The following ENDOV variants were observed in gnomAD, a reference collection of about 807,000 sequenced individuals.
The protein encoded by ENDOV is hEndoV.
A neutral mutation model predicts 39.4 loss-of-function variants in ENDOV; 37 were observed. The observed-to-expected ratio is 0.94, with a 90% confidence interval of 0.72 to 1.23. ENDOV has a LOEUF of 1.23. Among genes scored for constraint, ENDOV ranks in the 50% most tolerant of loss-of-function variants. The pLI, the probability that ENDOV is intolerant of heterozygous loss-of-function variation, is 0.00. For missense variants in ENDOV, 441 were observed against 375.7 expected (o/e 1.17, Z -1.44); for synonymous variants, 186 against 163.4 (o/e 1.14, Z -1.05).
intron 5 of ENDOV, 79 bp from the exon 6 acceptor site, chr17:80,424,953 T>C: frequency 7.9e-7 from 1 of 1,273,036 alleles, no homozygotes; most frequent in Non-Finnish European, 1.1e-6. Flanking sequence ...ACACTCCGTC[T>C]CAAAAAATAG....
At chr17:80,421,243 C>T (rs1376679590) in intron 2 of ENDOV, among the ~76,000 whole-genome samples, 3 of 65,636 alleles carry the variant, frequency 4.6e-5, no homozygotes, top group African/African-American at 1.4e-4. Context: ...GCTTCAGGGG[C>T]TCATCCTATG....
chr17:80,436,427 A>C lies in ENDOV; in HGVS notation c.*284A>C. 7.7e-7 allele frequency: 1 copy of C among 1,305,490 alleles called. No individual in the cohort carries two copies. The highest frequency in any genetic ancestry group is 1.0e-6 in the Non-Finnish European group (1 of 992,938). 80.9% of individuals were successfully genotyped at this position (1,305,490 alleles called of 1,614,324 possible). ...TGTTAGATTTTCAAGGATGCTCTTCATCCAGCTGAAGACGGTCCCTTCTAG... is the reference window on the plus strand; with the variant it reads ...TGTTAGATTTTCAAGGATGCTCTTCCTCCAGCTGAAGACGGTCCCTTCTAG... On this transcript the variant is annotated 3_prime_UTR_variant, in exon 10 of 10. Coordinates refer to ENST00000518137, the MANE Select transcript of ENDOV (RefSeq NM_173627.5).
At chr17:80,419,398 A>T (rs947892325) in intron 2 of ENDOV, 2 of 571,734 alleles carry the variant, frequency 3.5e-6, no homozygotes, top group Non-Finnish European at 6.3e-6. Flanking sequence ...ATGCTGAGCC[A>T]TGGCTGGTGT....
In ENDOV at chr17:80,436,393, G is replaced by A; in HGVS notation, c.*250G>A. 1 of 1,413,776 alleles carries A rather than the reference G, an allele frequency of 7.1e-7. No individual in the cohort carries two copies. Among genetic ancestry groups the A allele is most frequent in the Non-Finnish European group, 9.3e-7 (1 of 1,071,534 alleles). 87.6% of individuals were successfully genotyped at this position (1,413,776 alleles called of 1,614,324 possible). On this transcript the variant is annotated 3_prime_UTR_variant, in exon 10 of 10. Coordinates refer to ENST00000518137, the MANE Select transcript of ENDOV (RefSeq NM_173627.5). ...TTTGCAGTCTTTCACCACTAGATGT[G>A]ATGTGAGCTGTTAGATTTTCAAGGA...
chr17:80,429,664 G>A (rs2083163188), intron 8 of ENDOV, 109 bp from the exon 9 acceptor site: 1 of 1,052,748 alleles, frequency 9.5e-7, no homozygotes, highest in Admixed American at 2.4e-5. Flanking sequence ...GCTGTAGCAG[G>A]TCCTGAGTGT....
At chr17:80,428,523 C>A in intron 7 of ENDOV, 73 bp from the exon 8 acceptor site, 2 of 1,457,754 alleles carry the variant, frequency 1.4e-6, no homozygotes, top group Non-Finnish European at 9.4e-7. Context: ...GGAGGCATTG[C>A]CAGCAGCAGC....
chr17:80,429,988 G>C (rs1003113732), intron 9 of ENDOV, 157 bp downstream of exon 9: 1 of 1,541,268 alleles, frequency 6.5e-7, no homozygotes, highest in African/African-American at 1.4e-5. Context: ...TCAGGACACT[G>C]ACCACCCCTG....
intron 2 of ENDOV, 58 bp from the exon 3 acceptor site, chr17:80,421,770 G>C: frequency 4.5e-6 from 7 of 1,550,686 alleles, no homozygotes; most frequent in Non-Finnish European, 6.1e-6. Flanking sequence ...GGACGGACTG[G>C]GGATGGAGCA....
rs2080905516 is a variant in ENDOV at position 80,415,184 on chromosome 17, G to GGGACGAAGCCATGGCCCT, written c.-7_11dup. 1.9e-6 allele frequency: 3 copies of GGGACGAAGCCATGGCCCT among 1,612,568 alleles called. No individual in the cohort carries two copies. The highest frequency in any genetic ancestry group is 1.7e-5 in the Admixed American group (1 of 59,926). On this transcript the variant is annotated 5_prime_UTR_variant, in exon 1 of 10. The change creates a new upstream start codon in the 5' untranslated region. Transcript: ENST00000518137. ...GAAGTGACGTGCGGAAGGGGTGCCC[G>GGGACGAAGCCATGGCCCT]GGACGAAGCCATGGCCCTGGAGGCG...
At chr17:80,424,043 C>A (rs527810085) in intron 5 of ENDOV, 2 of 372,144 alleles carry the variant, frequency 5.4e-6, no homozygotes, top group African/African-American at 2.1e-5. Context: ...AGGCCCCCCT[C>A]CCGCCAAGAC....
intron 7 of ENDOV, chr17:80,427,772 T>C: frequency 1.6e-6 from 2 of 1,289,314 alleles, no homozygotes; most frequent in African/African-American, 1.5e-5. Context: ...GGTGGCCCCA[T>C]GGTCACAGGC....
At chr17:80,423,442 TA>T in intron 4 of ENDOV, 77 bp from the exon 5 acceptor site, 1 of 1,389,486 alleles carries the variant, frequency 7.2e-7, no homozygotes, top group Non-Finnish European at 9.7e-7. Flanking sequence ...AAGCTTTTGG[TA>T]AGACTGGCTT....
chr17:80,424,979 C>T (rs1306712686), intron 5 of ENDOV, 53 bp from the exon 6 acceptor site: 2 of 1,476,680 alleles, frequency 1.4e-6, no homozygotes, highest in African/African-American at 1.4e-5. Flanking sequence ...TGCCTTCAGC[C>T]CTTCACCAAG....
intron 5 of ENDOV, 61 bp from the exon 6 acceptor site, chr17:80,424,971 C>T (rs1203564842): frequency 1.4e-6 from 2 of 1,409,846 alleles, no homozygotes; most frequent in East Asian, 2.4e-5. Context: ...TAGAGACTTG[C>T]CTTCAGCCCT....
intron 2 of ENDOV, chr17:80,420,462 A>G (rs988380747): frequency 2.0e-5 from 3 of 152,224 alleles, no homozygotes; most frequent in East Asian, 3.8e-4. Context: ...CAGTTTCCCC[A>G]TTGAGTCATT....
intron 9 of ENDOV, chr17:80,430,438 G>C: frequency 7.3e-7 from 1 of 1,373,300 alleles, no homozygotes; most frequent in Admixed American, 2.2e-5. Flanking sequence ...TGCAAAATCA[G>C]GGTTCATTTT....
intron 5 of ENDOV, chr17:80,424,149 C>A (rs1439795627): frequency 5.0e-6 from 2 of 399,482 alleles, no homozygotes; most frequent in Non-Finnish European, 8.8e-6. Context: ...GAGACACTCA[C>A]AATGGAGGGA....
intron 5 of ENDOV, chr17:80,424,195 G>T: frequency 2.5e-6 from 1 of 399,392 alleles, no homozygotes; most frequent in South Asian, 1.3e-4. Context: ...CTGGATGGCA[G>T]ATTCTGAGAG....
intron 9 of ENDOV, among the ~76,000 whole-genome samples, chr17:80,434,059 C>T (rs7218055): frequency 0.057 from 8,726 of 152,226 alleles, 850 homozygotes; most frequent in African/African-American, 0.2. Flanking sequence ...AGTAGTCACT[C>T]CCCGTTCTCC....
Sources: allele counts gnomAD v4.1 joint callset (sites outside exome capture counted in the v4.1 genomes callset), GRCh38; gene constraint gnomAD v4.1.1; transcripts MANE v1.5; gene names NCBI Gene and HGNC (gene_info 2026-07-23, HGNC 2026-07-21).